GNAL: variants seen among roughly 807,000 people sequenced by gnomAD.
GNAL encodes G protein subunit alpha L.
Under a neutral mutation model 55.1 loss-of-function variants are expected in GNAL, and 18 were observed. The ratio of observed to expected loss-of-function variants is 0.33; its 90% CI spans 0.23 to 0.48. GNAL has a LOEUF of 0.48. GNAL is among the 20% of genes least tolerant of loss of function. The probability of loss-of-function intolerance (pLI) is 0.99; values close to 1 mark genes in which losing one functional copy is unlikely to be tolerated. For missense variants in GNAL, 412 were observed against 614.1 expected (o/e 0.67, Z 3.48); for synonymous variants, 253 against 237.0 (o/e 1.07, Z -0.62).
intron 1 of GNAL, among the ~76,000 whole-genome samples, chr18:11,728,806 G>A (rs1428503690): frequency 1.3e-5 from 2 of 152,068 alleles, no homozygotes; most frequent in Non-Finnish European, 2.9e-5. Context: ...TGTCTTAGAC[G>A]ATGAGTTTTA....
At chr18:11,870,057 G>A (rs1337588047) in intron 9 of GNAL, among the ~76,000 whole-genome samples, 3 of 152,148 alleles carry the variant, frequency 2.0e-5, no homozygotes, top group East Asian at 3.8e-4. Context: ...TTAAGCATAC[G>A]GGAGGATGTG....
intron 6 of GNAL, among the ~76,000 whole-genome samples, chr18:11,864,108 G>C (rs1428630126): frequency 8.2e-6 from 1 of 122,248 alleles, no homozygotes; most frequent in African/African-American, 4.6e-5. Context: ...TTTTTTTTGA[G>C]ACGGAGTCTC....
intron 1 of GNAL, among the ~76,000 whole-genome samples, chr18:11,749,277 C>T (rs569274939): frequency 7.0e-4 from 107 of 152,262 alleles, no homozygotes; most frequent in African/African-American, 2.4e-3. Context: ...TCTCCTTCCA[C>T]AGAACTTCAA....
At chr18:11,822,652 T>A (rs2035129667) in intron 4 of GNAL, among the ~76,000 whole-genome samples, 1 of 152,096 alleles carries the variant, frequency 6.6e-6, no homozygotes, top group African/African-American at 2.4e-5. Flanking sequence ...TTCTCAACCC[T>A]CTCACTGACC....
At chr18:11,718,110 C>T (rs1398578547) in intron 1 of GNAL, among the ~76,000 whole-genome samples, 2 of 151,816 alleles carry the variant, frequency 1.3e-5, no homozygotes, top group African/African-American at 2.4e-5. Context: ...AGACAAAATA[C>T]CTAGCAGTTT....
At chr18:11,860,483 C>T (rs2036106759) in intron 5 of GNAL, among the ~76,000 whole-genome samples, 1 of 152,202 alleles carries the variant, frequency 6.6e-6, no homozygotes, top group African/African-American at 2.4e-5. Flanking sequence ...CCATTAGGTT[C>T]TGTAGCTGAG....
intron 5 of GNAL, among the ~76,000 whole-genome samples, chr18:11,840,934 T>A (rs2035600815): frequency 6.6e-6 from 1 of 151,018 alleles, no homozygotes; most frequent in African/African-American, 2.4e-5. Context: ...GAGTCAGTGC[T>A]ACGATCACAG....
chr18:11,836,216 G>T (rs1016035161), intron 5 of GNAL, among the ~76,000 whole-genome samples: 2 of 152,102 alleles, frequency 1.3e-5, no homozygotes, highest in African/African-American at 4.8e-5. Context: ...GGAGGCCGAG[G>T]TGGGCGGATC....
intron 4 of GNAL, among the ~76,000 whole-genome samples, chr18:11,787,058 C>T (rs1275751156): frequency 1.3e-5 from 2 of 152,056 alleles, no homozygotes; most frequent in African/African-American, 4.8e-5. Context: ...TGGGCAACAA[C>T]ACAGCGAGAC....
intron 1 of GNAL, among the ~76,000 whole-genome samples, chr18:11,720,030 A>C (rs1432657435): frequency 6.6e-6 from 1 of 152,208 alleles, no homozygotes; most frequent in African/African-American, 2.4e-5. Context: ...AGGGATTTTG[A>C]TAAAATGCAG....
At chr18:11,692,633 T>TA (rs894701076) in intron 1 of GNAL, among the ~76,000 whole-genome samples, 2 of 151,150 alleles carry the variant, frequency 1.3e-5, no homozygotes, top group African/African-American at 4.9e-5. Context: ...AAAAAAAAAA[T>TA]AGAGACACAG....
At chr18:11,799,218 A>G (rs993667058) in intron 4 of GNAL, among the ~76,000 whole-genome samples, 1 of 152,054 alleles carries the variant, frequency 6.6e-6, no homozygotes, top group Non-Finnish European at 1.5e-5. Flanking sequence ...ATGTGTCCCC[A>G]GCCACAGGGA....
rs185526587 is a variant in GNAL at position 11,880,334 on chromosome 18, C to T, written c.1231-655C>T. On this transcript the variant is annotated intron_variant, in intron 11 of 11. Transcript: ENST00000334049. ...CTATAATCCCAGCACTTTGGGAGGC[C>T]GAGGTGGGCGGATCACTTGAGGTCA... Among the ~76,000 whole-genome samples the T allele has an allele frequency of 2.9e-3, 436 of 149,868 alleles. 3 individuals carry two copies. Among genetic ancestry groups the T allele is most frequent in the Non-Finnish European group, 3.8e-3 (258 of 67,714 alleles).
intron 4 of GNAL, among the ~76,000 whole-genome samples, chr18:11,783,906 A>G (rs1410866443): frequency 6.6e-6 from 1 of 152,210 alleles, no homozygotes; most frequent in East Asian, 1.9e-4. Context: ...AAAGGAAATA[A>G]TGACTTCTTC....
At chr18:11,861,703 TC>T (rs2036142453) in intron 5 of GNAL, among the ~76,000 whole-genome samples, 1 of 152,118 alleles carries the variant, frequency 6.6e-6, no homozygotes. Context: ...GGAAGGGTCA[TC>T]ACCCAAGAGC....
intron 5 of GNAL, among the ~76,000 whole-genome samples, chr18:11,829,259 A>G (rs1396304725): frequency 6.6e-6 from 1 of 152,148 alleles, no homozygotes; most frequent in African/African-American, 2.4e-5. Context: ...AGGCCTCACT[A>G]TCCTAGGCTA....
Position 11,842,332 on chromosome 18 carries a change from T to A in GNAL, c.722+17317T>A, listed in dbSNP as rs547879670. On this transcript the variant is annotated intron_variant, in intron 5 of 11. Transcript: ENST00000334049. ...CTTGGTGTAGCGGCCCCCAGCCTTT[T>A]TGGCACCAGGGACTGGTTTCGTGGA... is the stretch of plus-strand genomic sequence containing the variant. Among the ~76,000 whole-genome samples the A allele has an allele frequency of 5.7e-4, 87 of 152,252 alleles. No homozygotes were observed. The Middle Eastern group carries it at 0.017, about 30-fold the overall frequency.
At chr18:11,770,535 C>T (rs904545589) in intron 4 of GNAL, among the ~76,000 whole-genome samples, 1 of 151,984 alleles carries the variant, frequency 6.6e-6, no homozygotes, top group Admixed American at 6.6e-5. Context: ...AATTTTTAAC[C>T]AGAGTATTTG....
intron 1 of GNAL, among the ~76,000 whole-genome samples, chr18:11,735,169 AC>A (rs1235029477): frequency 6.6e-6 from 1 of 151,162 alleles, no homozygotes; most frequent in East Asian, 2.0e-4. Flanking sequence ...TCCTGCCTCA[AC>A]CTCCCAAGTA....
Sources: gnomAD v4.1 joint callset for allele counts (sites outside exome capture counted in the v4.1 genomes callset) on GRCh38, gnomAD v4.1.1 for gene constraint, MANE v1.5 for transcripts, NCBI Gene and HGNC (gene_info 2026-07-23, HGNC 2026-07-21) for gene names.